Variants in MRE11 observed in about 807,000 individuals in gnomAD.
The protein encoded by MRE11 is MRE11 double strand break repair nuclease, also known as double-strand break repair protein MRE11.
In MRE11, 62 loss-of-function variants were observed where a neutral mutation model predicts 91.7. The ratio of observed to expected loss-of-function variants is 0.68; its 90% CI spans 0.55 to 0.84. The LOEUF is 0.84. MRE11 is among the 40% of genes least tolerant of loss of function. The pLI is 0.00. For missense variants in MRE11, 796 were observed against 852.9 expected (o/e 0.93, Z 0.83); for synonymous variants, 273 against 271.4 (o/e 1.01, Z -0.06).
intron 14 of MRE11, among the ~76,000 whole-genome samples, chr11:94,451,634 C>T (rs1472717061): frequency 6.6e-6 from 1 of 151,850 alleles, no homozygotes; most frequent in African/African-American, 2.4e-5. Flanking sequence ...GATATATTAC[C>T]AGGATGGGTC....
In MRE11 at chr11:94,460,950, G is replaced by C. The variant is rs754078280; in HGVS notation, c.1312C>G (p.Gln438Glu). ...RVEDLVKQYFQTAEKNVQLSL... is the reference protein window; with the variant it reads ...RVEDLVKQYFETAEKNVQLSL... Reference sequence around the variant, plus strand: ...TAAGAAATTACCTTCTCTGCGGTTTGAAAGTACTGTTTTACAAGATCTTCT... The same window carrying C: ...TAAGAAATTACCTTCTCTGCGGTTTCAAAGTACTGTTTTACAAGATCTTCT... The change falls in exon 12 of 20, where the codon CAA (glutamine) becomes GAA (glutamate). Residue 438 changes from glutamine to glutamate, a missense_variant. By Grantham distance (29) the Gln-to-Glu change is conservative. Transcript: ENST00000323929. The C allele has an allele frequency of 8.1e-6, 13 of 1,613,294 alleles. No homozygotes were observed. Among genetic ancestry groups the C allele is most frequent in the African/African-American group, 8.0e-5 (6 of 74,914 alleles).
At chr11:94,438,129 AAAAACAAAACAAAAC>A (rs373325204) in intron 16 of MRE11, among the ~76,000 whole-genome samples, 23 of 152,026 alleles carry the variant, frequency 1.5e-4, no homozygotes, top group African/African-American at 4.8e-4. Context: ...CTCCGTCTCA[AAAAACAAAACAAAAC>A]AAAACAAAAC....
the MRE11 span, among the ~76,000 whole-genome samples, chr11:94,504,073 C>T: frequency 2.0e-5 from 3 of 152,070 alleles, no homozygotes; most frequent in Non-Finnish European, 2.9e-5. Context: ...GAAAGCAGTT[C>T]AGTGGTTTCT....
intron 7 of MRE11, 97 bp downstream of exon 7, chr11:94,476,192 T>A: frequency 1.3e-6 from 1 of 758,848 alleles, no homozygotes; most frequent in Non-Finnish European, 2.3e-6. Context: ...TTGACAACCT[T>A]GAAAGATTAA....
At chr11:94,462,266 A>G (rs1284233517) in intron 11 of MRE11, among the ~76,000 whole-genome samples, 1 of 152,208 alleles carries the variant, frequency 6.6e-6, no homozygotes, top group African/African-American at 2.4e-5. Context: ...CCACTGCTCA[A>G]CGAAATAAAA....
At chr11:94,432,294 A>G (rs1457234865) in intron 18 of MRE11, among the ~76,000 whole-genome samples, 1 of 152,178 alleles carries the variant, frequency 6.6e-6, no homozygotes, top group Admixed American at 6.5e-5. Flanking sequence ...ACTCCTATAA[A>G]GGCCAGTACG....
chr11:94,467,976 T>C, intron 9 of MRE11, 83 bp from the exon 10 acceptor site: 1 of 1,016,532 alleles, frequency 9.8e-7, no homozygotes. Context: ...CCACAGGAAT[T>C]TTCCTGAACT....
chr11:94,493,050 CT>C (rs529272099), intron 1 of MRE11, 144 bp from the exon 2 acceptor site: 26 of 554,602 alleles, frequency 4.7e-5, no homozygotes, highest in East Asian at 1.4e-4. Flanking sequence ...ACCCACTATA[CT>C]TTTTTTTAAT....
At chr11:94,452,664 C>T (rs1946140086) in intron 14 of MRE11, among the ~76,000 whole-genome samples, 1 of 152,116 alleles carries the variant, frequency 6.6e-6, no homozygotes, top group African/African-American at 2.4e-5. Context: ...TTTAACTCTA[C>T]CTTTCCTATG....
At chr11:94,462,050 G>C (rs1946433647) in intron 11 of MRE11, among the ~76,000 whole-genome samples, 3 of 152,050 alleles carry the variant, frequency 2.0e-5, no homozygotes, top group Non-Finnish European at 4.4e-5. Flanking sequence ...ACTCCAGCCT[G>C]GGTAACAGAT....
intron 19 of MRE11, among the ~76,000 whole-genome samples, chr11:94,420,420 C>A (rs1945139713): frequency 4.6e-5 from 7 of 152,200 alleles, no homozygotes; most frequent in Admixed American, 3.9e-4. Context: ...ACACACATTT[C>A]CCTTACTAAC....
At position 94,419,465 on chromosome 11, in the gene MRE11, G is replaced by GGAGGGAGA. The variant is rs1554996392; in HGVS notation, c.*659_*660insTCTCCCTC. The GGAGGGAGA allele has an allele frequency of 9.3e-6, 2 of 214,890 alleles. No homozygotes were observed. The highest frequency in any genetic ancestry group is 1.8e-5 in the Non-Finnish European group (2 of 112,432). The allele number at this position is 214,890 out of a possible 1,614,324, so 13.3% of individuals were successfully genotyped here. On this transcript the variant is annotated 3_prime_UTR_variant, in exon 20 of 20. Coordinates refer to ENST00000323929, the MANE Select transcript of MRE11 (RefSeq NM_005591.4). ...GAAGAGTGGGGAACGGGGGGGAGAG[G>GGAGGGAGA]GAGAGAGAGAGAGAGAGAGAGAGAG...
intron 13 of MRE11, among the ~76,000 whole-genome samples, chr11:94,458,151 G>A (rs1464313539): frequency 6.7e-6 from 1 of 149,664 alleles, no homozygotes; most frequent in Admixed American, 6.7e-5. Flanking sequence ...AGAGAACCAT[G>A]TTAACCAAAA....
intron 14 of MRE11, among the ~76,000 whole-genome samples, chr11:94,454,043 G>T (rs570355017): frequency 7.9e-5 from 12 of 151,282 alleles, no homozygotes; most frequent in African/African-American, 2.7e-4. Flanking sequence ...TTAAAGAAAA[G>T]ATTTGAGAGT....
intron 17 of MRE11, among the ~76,000 whole-genome samples, chr11:94,436,142 G>C (rs1326390025): frequency 6.6e-6 from 1 of 152,122 alleles, no homozygotes; most frequent in Non-Finnish European, 1.5e-5. Context: ...GAGCACCTAA[G>C]GGAACACAGT....
Position 94,470,617 on chromosome 11 carries a change from C to T in MRE11, c.871G>A (p.Gly291Arg), listed in dbSNP as rs1430170102. 6.2e-7 allele frequency: 1 copy of T among 1,613,088 alleles called. No homozygotes were observed. The highest frequency in any genetic ancestry group is 1.3e-5 in the African/African-American group (1 of 74,978). ...ATTTTATGCATATTCATCTTCCTCC[C>T]TTTAATACGCAGCAAACCAACATGT... ...KKHVGLLRIK[G>R]RKMNMHKIPL... The change falls in exon 9 of 20, where the codon GGG becomes AGG. Residue 291 changes from glycine (G) to arginine (R), a missense_variant. Gly to Arg is a moderately radical substitution (Grantham distance 125). Transcript: ENST00000323929.
chr11:94,489,970 G>C (rs1180102377), intron 3 of MRE11, among the ~76,000 whole-genome samples: 1 of 151,800 alleles, frequency 6.6e-6, no homozygotes, highest in Admixed American at 6.6e-5. Context: ...TCCCCACCCC[G>C]CTACAACTAA....
chr11:94,426,765 T>G (rs1453460607), intron 19 of MRE11, among the ~76,000 whole-genome samples: 11 of 152,150 alleles, frequency 7.2e-5, no homozygotes, highest in Non-Finnish European at 1.0e-4. Context: ...CTTTAGAGAC[T>G]ACTATGAATA....
At chr11:94,479,116 T>C (rs535829590) in intron 5 of MRE11, among the ~76,000 whole-genome samples, 105 of 152,342 alleles carry the variant, frequency 6.9e-4, no homozygotes, top group Middle Eastern at 3.4e-3. Context: ...TCAAAACTTA[T>C]GATGTCTTGG....
Sources: allele counts gnomAD v4.1 joint callset (sites outside exome capture counted in the v4.1 genomes callset), GRCh38; gene constraint gnomAD v4.1.1; transcripts MANE v1.5; gene names NCBI Gene and HGNC (gene_info 2026-07-23, HGNC 2026-07-21).